The following MUC4 variants were observed in gnomAD, a reference collection of about 807,000 sequenced individuals.
The protein encoded by MUC4 is mucin-4.
Under a neutral mutation model 257.9 loss-of-function variants are expected in MUC4, and 202 were observed. The ratio of observed to expected loss-of-function variants is 0.78; its 90% confidence interval spans 0.70 to 0.88. The LOEUF (loss-of-function observed/expected upper bound fraction) is 0.88. Among genes scored for constraint, MUC4 ranks in the 40% least tolerant of loss-of-function variants. The pLI is 0.00. For synonymous variants in MUC4, 2,351 were observed against 2,757.1 expected (o/e 0.85, Z 4.62); for missense variants, 5,976 against 6,513.7 (o/e 0.92, Z 2.84).
Position 195,779,040 on chromosome 3 carries a change from G to C in MUC4, c.12540C>G (p.Thr4180=), listed in dbSNP as rs1473215842. The change falls in exon 2 of 25, where the codon ACC becomes ACG. Residue 4180 remains threonine (T), a synonymous_variant. Coordinates refer to ENST00000463781, the MANE Select transcript of MUC4 (RefSeq NM_018406.7). ...CACCTGTGGATGCTGAGGAAGTGCT[G>C]GTGACAGGAAGAGGGGTGCCGTGAC... is the stretch of plus-strand genomic sequence containing the variant. ...STGHGTPLPV[T]STSSASTGDT... 7.6e-7 allele frequency: 1 copy of C among 1,307,480 alleles called. No individual in the cohort carries two copies. Among genetic ancestry groups the C allele is most frequent in the Admixed American group, 2.3e-5 (1 of 44,144 alleles). The allele number at this position is 1,307,480 out of a possible 1,614,324, so 81.0% of individuals were successfully genotyped here.
chr3:195,802,821 C>T (rs534275385), intron 1 of MUC4, among the ~76,000 whole-genome samples: 3 of 152,172 alleles, frequency 2.0e-5, no homozygotes, highest in Admixed American at 6.5e-5. Context: ...GTTTTGTAGC[C>T]GGCAGCTTAA....
intron 11 of MUC4, 127 bp from the exon 12 acceptor site, chr3:195,763,768 G>A: frequency 9.3e-7 from 1 of 1,073,682 alleles, no homozygotes; most frequent in Non-Finnish European, 1.3e-6. Context: ...GCAGTCGACT[G>A]GGGCACTTGT....
At position 195,749,036 on chromosome 3, in the gene MUC4, G is replaced by T; in HGVS notation, c.15900C>A (p.Phe5300Leu). The T allele has an allele frequency of 6.2e-7, 1 of 1,606,594 alleles. No homozygotes were observed. Among genetic ancestry groups the T allele is most frequent in the Non-Finnish European group, 8.5e-7 (1 of 1,175,544 alleles). Residue 5300 changes from phenylalanine (F) to leucine (L), a missense_variant, in exon 24 of 25, where the codon TTC (phenylalanine) becomes TTA (leucine). By Grantham distance (22) the Phe-to-Leu change is conservative (BLOSUM62 0). Around this residue, in one of 44 missense-constraint regions of MUC4, gnomAD observed 310 missense variants for 242.1 expected, o/e 1.28. Coordinates refer to ENST00000463781, the MANE Select transcript of MUC4 (RefSeq NM_018406.7). Reference sequence around the variant, plus strand: ...CGTAGCCCTTGTAGCCATCGCATCTGAAGTAAGCCTTCAGCGTGCTCACGT... The same window carrying T: ...CGTAGCCCTTGTAGCCATCGCATCTTAAGTAAGCCTTCAGCGTGCTCACGT... ...ALNVSTLKAY[F>L]RCDGYKGYDL... is the part of the protein sequence containing the mutation.
chr3:195,789,012 G>A lies in MUC4; in HGVS notation c.2568C>T (p.Ala856=). Residue 856 remains alanine, a synonymous_variant, in exon 2 of 25, where the codon GCC becomes GCT. Transcript: ENST00000463781. ...ELLSASASHG[A]IPVSTGMASS... ...ACGCCATTCCTGTGCTTACTGGGAT[G>A]GCACCATGACTGGCTGAGGCGGACA... 1.2e-6 allele frequency: 2 copies of A among 1,613,876 alleles called. No homozygotes were observed. The highest frequency in any genetic ancestry group is 1.7e-6 in the Non-Finnish European group (2 of 1,179,850).
Position 195,763,719 on chromosome 3 carries a change from G to A in MUC4, c.14045-78C>T, listed in dbSNP as rs1347374215. The A allele has an allele frequency of 4.7e-5, 63 of 1,345,128 alleles. 1 individual carries two copies. The Admixed American group carries it at 1.3e-3, about 28-fold the overall frequency. 83.3% of individuals were successfully genotyped at this position (1,345,128 alleles called of 1,614,324 possible). Reference sequence around the variant, plus strand: ...GAGGTTCCTCACTGCAGTCAGGTGCGGCACTTGTCCAGGAGGACTCAGGGT... The same window carrying A: ...GAGGTTCCTCACTGCAGTCAGGTGCAGCACTTGTCCAGGAGGACTCAGGGT... On this transcript the variant is annotated intron_variant, in intron 11 of 24. Coordinates refer to ENST00000463781, the MANE Select transcript of MUC4 (RefSeq NM_018406.7).
At chr3:195,752,793 G>C (rs192229473) in intron 20 of MUC4, among the ~76,000 whole-genome samples, 1 of 152,182 alleles carries the variant, frequency 6.6e-6, no homozygotes, top group Non-Finnish European at 1.5e-5. Context: ...CCTCCCCAGC[G>C]CTCATCTCAC....
chr3:195,779,226 A>C lies in MUC4; in HGVS notation c.12354T>G (p.Thr4118=). The C allele has an allele frequency of 1.4e-5, 18 of 1,272,628 alleles. No individual in the cohort carries two copies. The East Asian group carries it at 1.6e-4, about 11-fold the overall frequency. The allele number at this position is 1,272,628 out of a possible 1,614,324, so 78.8% of individuals were successfully genotyped here. ...GDTTPLPVTD[T]SSASTGQATP... ...TGGCCTGACCTGTGGATGCAGAGGA[A>C]GTGTCGGTGACAGGAAGAGGCGTGG... is the stretch of plus-strand genomic sequence containing the variant. Residue 4118 remains threonine, a synonymous_variant, in exon 2 of 25, where the codon ACT becomes ACG. Transcript: ENST00000463781.
chr3:195,752,197 T>C (rs6809312), intron 21 of MUC4, 176 bp downstream of exon 21: 202,933 of 631,086 alleles, frequency 0.32, 37,092 homozygotes, highest in African/African-American at 0.6. Context: ...GGTTTCTGTC[T>C]TGGGCCTTCC....
Position 195,764,039 on chromosome 3 carries a change from G to T in MUC4, c.14044+6C>A. The T allele has an allele frequency of 1.2e-6, 2 of 1,607,930 alleles. No homozygotes were observed. Among genetic ancestry groups the T allele is most frequent in the East Asian group, 2.2e-5 (1 of 44,720 alleles). On this transcript the variant is annotated splice_donor_region_variant and intron_variant, in intron 11 of 24. Transcript: ENST00000463781. ...GCTCTTCCTGGGCCTGGGCCCTGTC[G>T]CTCACCGGGCTGTGGGGGCCTGTAT...
rs372148155 is a variant in MUC4 at position 195,811,824 on chromosome 3, G to A, written c.-7C>T. 4.5e-5 allele frequency: 73 copies of A among 1,613,272 alleles called. No homozygotes were observed. Among genetic ancestry groups the A allele is most frequent in the Non-Finnish European group, 5.3e-5 (62 of 1,179,710 alleles). ...TCCAGCGTGCCCCCTTCATGGCTGCGGCAAAAGTCCCCCTGGCTCCCTGGG... is the reference window on the plus strand; with the variant it reads ...TCCAGCGTGCCCCCTTCATGGCTGCAGCAAAAGTCCCCCTGGCTCCCTGGG... On this transcript the variant is annotated 5_prime_UTR_variant, in exon 1 of 25. Coordinates refer to ENST00000463781, the MANE Select transcript of MUC4 (RefSeq NM_018406.7).
rs779286657 is a variant in MUC4 at position 195,782,588 on chromosome 3, T to G, written c.8992A>C (p.Thr2998Pro). ...GHATLLPVTD[T>P]SSASIGHATS... ...GCGTGACCTATGGATGCTGAGGAAGTGTCGGTGACAGGAAGAAGGGTGGCG... is the reference window on the plus strand; with the variant it reads ...GCGTGACCTATGGATGCTGAGGAAGGGTCGGTGACAGGAAGAAGGGTGGCG... Residue 2998 changes from threonine to proline, a missense_variant, in exon 2 of 25, where the codon ACT becomes CCT. Transcript: ENST00000463781. 38 of 847,500 alleles carry G rather than the reference T, an allele frequency of 4.5e-5. 7 individuals are homozygous for G. The African/African-American group carries it at 4.8e-4, about 11-fold the overall frequency. The allele number at this position is 847,500 out of a possible 1,614,324, so 52.5% of individuals were successfully genotyped here.
chr3:195,773,054 G>A (rs1452103120), intron 4 of MUC4, among the ~76,000 whole-genome samples: 3 of 116,900 alleles, frequency 2.6e-5, no homozygotes, highest in Non-Finnish European at 5.1e-5. Flanking sequence ...TCCCTTCATC[G>A]CTCAGGGGTG....
At chr3:195,747,588 G>A (rs141107522) in intron 24 of MUC4, among the ~76,000 whole-genome samples, 2,197 of 152,104 alleles carry the variant, frequency 0.014, 8 homozygotes, top group Middle Eastern at 0.024. Flanking sequence ...GGCCTGGGCC[G>A]GCGCGGGGGC....
chr3:195,799,038 T>A (rs997246253), intron 1 of MUC4, among the ~76,000 whole-genome samples: 1 of 152,160 alleles, frequency 6.6e-6, no homozygotes, highest in Non-Finnish European at 1.5e-5. Flanking sequence ...GTTGTTACCC[T>A]TCCCATTTTC....
chr3:195,757,338 G>C lies in MUC4; in HGVS notation c.14987-10C>G. ...AGCAACGTCCCATTCTCTGCCCCGGGGAAGATGAGAATGTTGAGAGCTGGG... is the reference window on the plus strand; with the variant it reads ...AGCAACGTCCCATTCTCTGCCCCGGCGAAGATGAGAATGTTGAGAGCTGGG... On this transcript the variant is annotated splice_polypyrimidine_tract_variant and intron_variant, in intron 17 of 24. Coordinates refer to ENST00000463781, the MANE Select transcript of MUC4 (RefSeq NM_018406.7). This position sits in a 1 kb window ranked among gnomAD's most constrained non-coding sequence, Gnocchi z 4.8. 6.3e-7 allele frequency: 1 copy of C among 1,584,766 alleles called. No homozygotes were observed. Among genetic ancestry groups the C allele is most frequent in the Non-Finnish European group, 8.6e-7 (1 of 1,156,738 alleles).
Position 195,810,696 on chromosome 3 carries a change from C to T in MUC4, c.82+1040G>A, listed in dbSNP as rs541199986. On this transcript the variant is annotated intron_variant, in intron 1 of 24. Coordinates refer to ENST00000463781, the MANE Select transcript of MUC4 (RefSeq NM_018406.7). The surrounding 1 kb of genome is among the most constrained non-coding windows in gnomAD (Gnocchi z 4.2). The stretch of plus-strand genomic sequence containing the variant: ...GCCTCCTCCGCACCACCCTCCCGGC[C>T]GGCCTGCCCCTCTCCTCCTTGTCGC... 2.0e-5 allele frequency among the ~76,000 whole-genome samples: 3 copies of T among 152,306 alleles called. No individual in the cohort carries two copies. The highest frequency in any genetic ancestry group is 1.9e-4 in the East Asian group (1 of 5,164).
At chr3:195,802,444 G>A (rs530514757) in intron 1 of MUC4, among the ~76,000 whole-genome samples, 1 of 96,622 alleles carries the variant, frequency 1.0e-5, no homozygotes, top group Admixed American at 1.0e-4. Context: ...TGAGGGCCAG[G>A]AGGGAGGGTT....
chr3:195,808,452 C>T (rs1736270506), intron 1 of MUC4, among the ~76,000 whole-genome samples: 1 of 152,100 alleles, frequency 6.6e-6, no homozygotes, highest in African/African-American at 2.4e-5. Flanking sequence ...GTGATCCACC[C>T]GCCTGGGCCT....
intron 1 of MUC4, among the ~76,000 whole-genome samples, chr3:195,811,441 G>T (rs1047074906): frequency 3.9e-5 from 6 of 151,990 alleles, no homozygotes. Context: ...CGAAAGTGCT[G>T]GGATTACAGG....
Sources: gnomAD v4.1 joint callset for allele counts (sites outside exome capture counted in the v4.1 genomes callset) on GRCh38, gnomAD v4.1.1 for gene constraint, gnomAD v4.1.1 regional missense constraint, Gnocchi (gnomAD v3.1) non-coding constraint, MANE v1.5 for transcripts, NCBI Gene and HGNC (gene_info 2026-07-23, HGNC 2026-07-21) for gene names.